The following UGGT2 variants were observed in gnomAD, a reference collection of about 807,000 sequenced individuals.
The protein encoded by UGGT2 is UDP-glucose glycoprotein glucosyltransferase 2, also known as UDP-glucose:glycoprotein glucosyltransferase 2.
UGGT2 carries 180 observed loss-of-function variants against 192.1 expected under a neutral mutation model. The observed-to-expected ratio is 0.94, with a 90% CI of 0.83 to 1.06. The LOEUF is 1.06. Ranked by LOEUF, UGGT2 falls within the 50% of genes least tolerant of loss-of-function variation. The pLI, the probability that UGGT2 is intolerant of heterozygous loss-of-function variation, is 0.00. For synonymous variants in UGGT2, 580 were observed against 591.0 expected, an observed-to-expected ratio of 0.98 and a Z score of 0.27; for missense variants, 1,849 against 1,795.7, an observed-to-expected ratio of 1.03 and a Z score of -0.54.
At chr13:95,959,445 C>T (rs1362111382) in intron 12 of UGGT2, among the ~76,000 whole-genome samples, 3 of 152,168 alleles carry the variant, frequency 2.0e-5, no homozygotes, top group African/African-American at 7.2e-5. Context: ...CAACCATAGC[C>T]AGAGCCTGAA....
intron 38 of UGGT2, among the ~76,000 whole-genome samples, chr13:95,821,195 C>T (rs1279890789): frequency 6.6e-6 from 1 of 152,056 alleles, no homozygotes; most frequent in East Asian, 1.9e-4. Context: ...CACTAATATA[C>T]AGTCCCAACA....
intron 30 of UGGT2, among the ~76,000 whole-genome samples, chr13:95,866,815 G>A (rs1890702514): frequency 6.6e-6 from 1 of 151,932 alleles, no homozygotes; most frequent in Admixed American, 6.6e-5. Context: ...ATTTCACTAG[G>A]CTCGCATTTT....
At chr13:95,864,343 TG>T (rs1890440575) in intron 30 of UGGT2, among the ~76,000 whole-genome samples, 1 of 152,188 alleles carries the variant, frequency 6.6e-6, no homozygotes, top group Non-Finnish European at 1.5e-5. Flanking sequence ...TGTTGCATTT[TG>T]CTATGGTGAT....
intron 9 of UGGT2, chr13:95,985,314 C>T: frequency 7.8e-7 from 1 of 1,284,588 alleles, no homozygotes; most frequent in Non-Finnish European, 1.0e-6. Flanking sequence ...CTGAAAGAGG[C>T]ATATCAATAT....
intron 38 of UGGT2, 92 bp from the exon 39 acceptor site, chr13:95,801,904 TGACTGAG>T: frequency 6.9e-7 from 1 of 1,448,040 alleles, no homozygotes; most frequent in East Asian, 2.3e-5. Context: ...GCACCGGTAC[TGACTGAG>T]GATCCTTTAT....
intron 8 of UGGT2, among the ~76,000 whole-genome samples, chr13:95,988,527 G>T (rs1421211601): frequency 1.3e-5 from 2 of 152,058 alleles, no homozygotes; most frequent in Admixed American, 6.6e-5. Context: ...ACACCAGAAG[G>T]GTCCAGGGAG....
intron 12 of UGGT2, among the ~76,000 whole-genome samples, chr13:95,961,710 G>A (rs2050398270): frequency 1.3e-5 from 2 of 151,856 alleles, no homozygotes; most frequent in African/African-American, 2.4e-5. Flanking sequence ...AAAGAACACT[G>A]GATTTAAAAT....
chr13:96,042,136 C>T (rs2053182853), intron 1 of UGGT2, among the ~76,000 whole-genome samples: 1 of 152,188 alleles, frequency 6.6e-6, no homozygotes, highest in Admixed American at 6.5e-5. Context: ...CCCCTGCCAC[C>T]TCCAGCAGAG....
intron 27 of UGGT2, among the ~76,000 whole-genome samples, chr13:95,884,060 G>A (rs2047570872): frequency 1.4e-5 from 1 of 72,916 alleles, no homozygotes; most frequent in African/African-American, 5.0e-5. Context: ...TATGAGCTGT[G>A]AGGCCAAAAA....
chr13:95,831,436 C>A (rs186477003), intron 38 of UGGT2, among the ~76,000 whole-genome samples: 146 of 152,056 alleles, frequency 9.6e-4, no homozygotes, highest in Non-Finnish European at 1.7e-3. Context: ...AAATATGCTG[C>A]CAGCACAAAT....
chr13:96,023,208 T>C (rs1204020661), intron 3 of UGGT2, 56 bp from the exon 4 acceptor site: 12 of 1,416,992 alleles, frequency 8.5e-6, no homozygotes, highest in African/African-American at 7.2e-5. Context: ...AATATGATTT[T>C]AAAACCCTCA....
chr13:95,922,329 G>T (rs150161631), intron 20 of UGGT2, among the ~76,000 whole-genome samples: 2 of 152,138 alleles, frequency 1.3e-5, no homozygotes, highest in Non-Finnish European at 2.9e-5. Context: ...GGGGGGCCAC[G>T]AGAGTTGAAA....
intron 1 of UGGT2, among the ~76,000 whole-genome samples, chr13:96,040,743 G>A (rs2053141575): frequency 6.6e-6 from 1 of 152,158 alleles, no homozygotes; most frequent in Non-Finnish European, 1.5e-5. Flanking sequence ...GGGACAATTT[G>A]TACAAGTGAT....
At chr13:95,882,829 A>G (rs1300083049) in intron 27 of UGGT2, among the ~76,000 whole-genome samples, 2 of 152,178 alleles carry the variant, frequency 1.3e-5, no homozygotes, top group Non-Finnish European at 2.9e-5. Context: ...AGCTGTACTA[A>G]TTTCTCCCAC....
rs1038500649 is a variant in UGGT2 at position 96,053,259 on chromosome 13, C to A, written c.54G>T (p.Ala18=). 5.1e-6 allele frequency: 8 copies of A among 1,567,540 alleles called. No individual in the cohort carries two copies. Among genetic ancestry groups the A allele is most frequent in the South Asian group, 1.2e-5 (1 of 85,642 alleles). ...CGGAGCCGAGCTGCGAAAGCCACAG[C>A]GCTGTGGAGCCTAGTAGCAGCCGCA... ...NVVRLLLGST[A]LWLSQLGSGT... Residue 18 remains alanine, a synonymous_variant, in exon 1 of 39, where the codon GCG becomes GCT. Transcript: ENST00000376747.
chr13:95,905,829 A>T (rs990001283), intron 20 of UGGT2, among the ~76,000 whole-genome samples: 1 of 152,144 alleles, frequency 6.6e-6, no homozygotes, highest in Non-Finnish European at 1.5e-5. Flanking sequence ...ATCTTTAAGA[A>T]GATTTATTGT....
chr13:96,026,508 C>G (rs981968772), intron 2 of UGGT2, among the ~76,000 whole-genome samples: 3 of 151,904 alleles, frequency 2.0e-5, no homozygotes, highest in Non-Finnish European at 4.4e-5. Flanking sequence ...CTGTACATTT[C>G]TACTCCTGGC....
chr13:96,034,764 C>T (rs1296342817), intron 1 of UGGT2, among the ~76,000 whole-genome samples: 1 of 152,206 alleles, frequency 6.6e-6, no homozygotes, highest in African/African-American at 2.4e-5. Context: ...GGTGCCTGTG[C>T]CAGTACCTGG....
At chr13:95,919,137 A>G (rs907299762) in intron 20 of UGGT2, among the ~76,000 whole-genome samples, 1 of 152,172 alleles carries the variant, frequency 6.6e-6, no homozygotes, top group Admixed American at 6.5e-5. Flanking sequence ...TATCTCAATC[A>G]ATCAAGAAAA....
Sources: allele counts gnomAD v4.1 joint callset (sites outside exome capture counted in the v4.1 genomes callset), GRCh38; gene constraint gnomAD v4.1.1; transcripts MANE v1.5; gene names NCBI Gene and HGNC (gene_info 2026-07-23, HGNC 2026-07-21).